DTNA: variants seen among roughly 807,000 people sequenced by gnomAD.
DTNA encodes the protein dystrobrevin alpha.
DTNA carries 43 observed loss-of-function variants against 100.7 expected under a neutral mutation model. That is an observed-to-expected ratio of 0.43 (90% CI 0.33 to 0.55). The LOEUF is 0.55. DTNA is among the 20% of genes least tolerant of loss of function. The pLI is 0.04. For synonymous variants in DTNA, 349 were observed against 347.9 expected (o/e 1.00, Z -0.04); for missense variants, 798 against 953.9 (o/e 0.84, Z 2.15).
intron 1 of DTNA, among the ~76,000 whole-genome samples, chr18:34,505,626 A>G (rs1029990410): frequency 2.6e-5 from 4 of 152,024 alleles, no homozygotes; most frequent in South Asian, 2.1e-4. Context: ...TCTTGAGCCC[A>G]CCCACTGATT....
intron 1 of DTNA, among the ~76,000 whole-genome samples, chr18:34,585,794 A>G (rs780469682): frequency 1.2e-4 from 19 of 152,236 alleles, no homozygotes; most frequent in Non-Finnish European, 2.5e-4. Context: ...TTAGATGAAG[A>G]TGGTTGCCTC....
intron 3 of DTNA, among the ~76,000 whole-genome samples, chr18:34,769,848 A>G (rs925817295): frequency 2.0e-5 from 3 of 150,274 alleles, no homozygotes; most frequent in Admixed American, 1.3e-4. Flanking sequence ...TAGCCTCCCA[A>G]GTAGCTGGAA....
At chr18:34,580,080 C>T (rs548713444) in intron 1 of DTNA, among the ~76,000 whole-genome samples, 3 of 152,124 alleles carry the variant, frequency 2.0e-5, no homozygotes, top group South Asian at 2.1e-4. Context: ...ACCCTTTCTT[C>T]TGCTGGGTTC....
chr18:34,664,827 A>C (rs1316674367), intron 1 of DTNA, among the ~76,000 whole-genome samples: 1 of 152,148 alleles, frequency 6.6e-6, no homozygotes, highest in Non-Finnish European at 1.5e-5. Context: ...GATAGGTATA[A>C]TAAACATAAA....
chr18:34,864,100 C>T, intron 17 of DTNA, 38 bp downstream of exon 17: 2 of 1,561,320 alleles, frequency 1.3e-6, no homozygotes, highest in Non-Finnish European at 1.7e-6. Context: ...AGCTTATTTT[C>T]CATGTCATCT....
intron 1 of DTNA, among the ~76,000 whole-genome samples, chr18:34,501,228 TTTCTTC>T (rs1005400861): frequency 1.3e-5 from 2 of 152,226 alleles, no homozygotes; most frequent in Non-Finnish European, 2.9e-5. Context: ...TCATATGATT[TTTCTTC>T]TTTAGCTTCT....
intron 1 of DTNA, among the ~76,000 whole-genome samples, chr18:34,606,723 G>A (rs1198210503): frequency 6.6e-6 from 1 of 152,156 alleles, no homozygotes; most frequent in East Asian, 1.9e-4. Context: ...GAGTTATTTA[G>A]ATAAGGAAAG....
At chr18:34,682,376 A>G (rs1278726170) in intron 1 of DTNA, among the ~76,000 whole-genome samples, 1 of 152,196 alleles carries the variant, frequency 6.6e-6, no homozygotes, top group Non-Finnish European at 1.5e-5. Context: ...TTACTTTTGC[A>G]CCAACCTAAT....
At chr18:34,578,069 T>A (rs185248709) in intron 1 of DTNA, among the ~76,000 whole-genome samples, 81 of 152,236 alleles carry the variant, frequency 5.3e-4, no homozygotes, top group African/African-American at 1.8e-3. Flanking sequence ...GTTGTACTAG[T>A]TTACATTCCC....
rs79018695 is a variant in DTNA, at chr18:34,656,428, G to A, written c.-1-99548G>A. Among the ~76,000 whole-genome samples, 708 of 152,252 alleles carry A rather than the reference G, an allele frequency of 4.7e-3. 5 individuals are homozygous for A. The highest frequency in any genetic ancestry group is 0.016 in the African/African-American group (656 of 41,538). On this transcript the variant is annotated intron_variant, in intron 1 of 19. Coordinates refer to the DTNA transcript ENST00000283365. ...ACGGTAAATGTCTGACAATTGTGTC[G>A]TTTTCCTTCTCCTCTTTAGGGGAAC...
intron 9 of DTNA, chr18:34,821,581 G>C: frequency 4.5e-6 from 2 of 447,026 alleles, no homozygotes; most frequent in South Asian, 3.2e-5. Flanking sequence ...AGGCCTGGGT[G>C]GCCAAGATAA....
Position 34,890,478 on chromosome 18 carries a change from G to C in DTNA, c.*2744G>C, listed in dbSNP as rs1431705487. 3 of 1,535,750 alleles carry C rather than the reference G, an allele frequency of 2.0e-6. No individual in the cohort carries two copies. Among genetic ancestry groups the C allele is most frequent in the Non-Finnish European group, 1.7e-6 (2 of 1,146,766 alleles). ...CAAGTTTCACTTGTCCTGTCCATTA[G>C]ATACAACTACATCTTGCGGGGGTTG... On this transcript the variant is annotated 3_prime_UTR_variant, in exon 23 of 23. Coordinates refer to ENST00000444659, the MANE Select transcript of DTNA (RefSeq NM_001386795.1).
intron 1 of DTNA, among the ~76,000 whole-genome samples, chr18:34,748,276 T>C (rs2091905386): frequency 6.6e-6 from 1 of 152,192 alleles, no homozygotes; most frequent in Admixed American, 6.5e-5. Context: ...ATTCTGCTGA[T>C]TATTTCTTTT....
Position 34,555,248 on chromosome 18 carries a change from T to A in DTNA, c.-2+61734T>A, listed in dbSNP as rs563015464. ...CCCCTTTATCATTTTTTATTGTGTC[T>A]ATTTGATTCTTCTCTCTTTTTTTCT... On this transcript the variant is annotated intron_variant, in intron 1 of 19. Transcript: ENST00000283365. Among the ~76,000 whole-genome samples, 132 of 146,436 alleles carry A rather than the reference T, an allele frequency of 9.0e-4. 2 individuals are homozygous for A. The highest frequency in any genetic ancestry group is 3.2e-3 in the African/African-American group (124 of 38,368).
chr18:34,592,875 C>T (rs1486379478), intron 1 of DTNA, among the ~76,000 whole-genome samples: 1 of 152,112 alleles, frequency 6.6e-6, no homozygotes, highest in African/African-American at 2.4e-5. Flanking sequence ...TTTTAATGCC[C>T]TCCTCAAAGT....
chr18:34,626,227 G>A lies in DTNA; in HGVS notation c.-1-129749G>A, dbSNP rs568166168. 2.6e-5 allele frequency among the ~76,000 whole-genome samples: 4 copies of A among 152,258 alleles called. No individual in the cohort carries two copies. In the East Asian group the frequency reaches 5.8e-4, roughly 22 times the overall value. Reference sequence around the variant, plus strand: ...GAGTGTGTATACAACCCTAACACTCGTGAAAGTGTTCTGTAAAATCTTATA... The same window carrying A: ...GAGTGTGTATACAACCCTAACACTCATGAAAGTGTTCTGTAAAATCTTATA... On this transcript the variant is annotated intron_variant, in intron 1 of 19. Coordinates refer to the DTNA transcript ENST00000283365.
At chr18:34,715,230 G>T (rs954116484) in intron 1 of DTNA, among the ~76,000 whole-genome samples, 1 of 151,794 alleles carries the variant, frequency 6.6e-6, no homozygotes, top group African/African-American at 2.4e-5. Flanking sequence ...AAAAAAAAAT[G>T]ATTAAACTTA....
chr18:34,627,409 A>G (rs2057471811), intron 1 of DTNA, among the ~76,000 whole-genome samples: 1 of 152,146 alleles, frequency 6.6e-6, no homozygotes, highest in South Asian at 2.1e-4. Context: ...CAAGAAGGAC[A>G]AATTCTTCCC....
chr18:34,828,313 G>C (rs1234552125), intron 10 of DTNA, among the ~76,000 whole-genome samples: 1 of 152,150 alleles, frequency 6.6e-6, no homozygotes, highest in African/African-American at 2.4e-5. Context: ...GTCAAGAGGT[G>C]CTCTGAGTCA....
Sources: allele counts gnomAD v4.1 joint callset (sites outside exome capture counted in the v4.1 genomes callset), GRCh38; gene constraint gnomAD v4.1.1; transcripts MANE v1.5; gene names NCBI Gene and HGNC (gene_info 2026-07-23, HGNC 2026-07-21).